SNTG1: variants seen among roughly 807,000 people sequenced by gnomAD.
SNTG1 encodes syntrophin gamma 1, also known as gamma-1-syntrophin.
In SNTG1, 39 loss-of-function variants were observed where a neutral mutation model predicts 74.7. The ratio of observed to expected loss-of-function variants is 0.52; its 90% CI spans 0.40 to 0.68. The LOEUF (loss-of-function observed/expected upper bound fraction) is 0.68. Among genes scored for constraint, SNTG1 ranks in the 30% least tolerant of loss-of-function variants. The pLI is 0.00. For missense variants in SNTG1, 685 were observed against 609.5 expected (o/e 1.12, Z -1.30); for synonymous variants, 254 against 217.1 (o/e 1.17, Z -1.49).
chr8:49,922,981 A>G (rs1239577242), intron 1 of SNTG1, among the ~76,000 whole-genome samples: 1 of 152,090 alleles, frequency 6.6e-6, no homozygotes, highest in Non-Finnish European at 1.5e-5. Flanking sequence ...AATTACTGCT[A>G]TTTCCTGCTG....
chr8:50,336,660 C>A (rs961857123), intron 2 of SNTG1, among the ~76,000 whole-genome samples: 1 of 152,114 alleles, frequency 6.6e-6, no homozygotes, highest in Non-Finnish European at 1.5e-5. Context: ...TATGGTAAAC[C>A]CACACTATGT....
chr8:50,579,949 A>G (rs2094599583), intron 12 of SNTG1, among the ~76,000 whole-genome samples: 1 of 152,216 alleles, frequency 6.6e-6, no homozygotes, highest in Admixed American at 6.5e-5. Flanking sequence ...TCCACACCCC[A>G]TAATGGTAGA....
At chr8:50,734,731 A>C (rs1449026924) in intron 17 of SNTG1, among the ~76,000 whole-genome samples, 7 of 87,716 alleles carry the variant, frequency 8.0e-5, no homozygotes, top group African/African-American at 1.4e-4. Flanking sequence ...TTATATATCT[A>C]TATATATGGA....
At chr8:49,931,274 G>A (rs1328960220) in intron 1 of SNTG1, among the ~76,000 whole-genome samples, 1 of 152,160 alleles carries the variant, frequency 6.6e-6, no homozygotes, top group African/African-American at 2.4e-5. Flanking sequence ...TTATTAAATT[G>A]GAATATCCAC....
chr8:50,389,415 A>G (rs1056793071), intron 2 of SNTG1, among the ~76,000 whole-genome samples: 1 of 152,172 alleles, frequency 6.6e-6, no homozygotes, highest in African/African-American at 2.4e-5. Context: ...TCTACTAAAA[A>G]TGAACAATCT....
chr8:50,068,994 CA>C (rs1324661117), intron 1 of SNTG1, among the ~76,000 whole-genome samples: 1 of 152,072 alleles, frequency 6.6e-6, no homozygotes, highest in Non-Finnish European at 1.5e-5. Context: ...TGAAAACAAG[CA>C]AAAAATCATA....
intron 9 of SNTG1, among the ~76,000 whole-genome samples, chr8:50,509,777 A>T (rs1211475028): frequency 6.6e-6 from 1 of 152,064 alleles, no homozygotes; most frequent in Non-Finnish European, 1.5e-5. Context: ...GTATCCTGAG[A>T]CTTTGCTGAA....
At chr8:50,675,484 C>T (rs905035292) in intron 15 of SNTG1, among the ~76,000 whole-genome samples, 1 of 151,646 alleles carries the variant, frequency 6.6e-6, no homozygotes, top group Non-Finnish European at 1.5e-5. Flanking sequence ...GATTGCAACC[C>T]CTACTTTTTT....
At chr8:50,464,559 G>T (rs1007972295) in intron 8 of SNTG1, among the ~76,000 whole-genome samples, 2 of 152,062 alleles carry the variant, frequency 1.3e-5, no homozygotes, top group Admixed American at 1.3e-4. Context: ...AATTAAGTTT[G>T]CTGCCTTATA....
intron 9 of SNTG1, among the ~76,000 whole-genome samples, chr8:50,505,571 A>T (rs766227727): frequency 6.6e-6 from 1 of 152,000 alleles, no homozygotes; most frequent in African/African-American, 2.4e-5. Flanking sequence ...ATGATAATTC[A>T]CTGTGGTTTT....
At chr8:50,222,262 T>G (rs2131997434) in intron 2 of SNTG1, among the ~76,000 whole-genome samples, 1 of 152,282 alleles carries the variant, frequency 6.6e-6, no homozygotes, top group East Asian at 1.9e-4. Flanking sequence ...CCTGGTGGTC[T>G]TTCATTAGAT....
chr8:50,211,314 T>C (rs2084511724), intron 2 of SNTG1, among the ~76,000 whole-genome samples: 1 of 152,148 alleles, frequency 6.6e-6, no homozygotes. Flanking sequence ...TTAGAAACAA[T>C]AGCTATTATC....
chr8:50,443,761 A>T (rs1224820327), intron 5 of SNTG1, among the ~76,000 whole-genome samples: 1 of 152,180 alleles, frequency 6.6e-6, no homozygotes, highest in African/African-American at 2.4e-5. Flanking sequence ...TAAAACCTGA[A>T]ATAAATTACC....
intron 1 of SNTG1, among the ~76,000 whole-genome samples, chr8:50,150,842 T>C (rs1035862501): frequency 6.6e-6 from 1 of 152,220 alleles, no homozygotes; most frequent in Non-Finnish European, 1.5e-5. Flanking sequence ...TTTGCATCGA[T>C]GTTCATCAGG....
intron 1 of SNTG1, among the ~76,000 whole-genome samples, chr8:50,112,444 A>C (rs972681817): frequency 6.6e-6 from 1 of 152,024 alleles, no homozygotes; most frequent in Non-Finnish European, 1.5e-5. Flanking sequence ...AACCTTAATT[A>C]AAAAACTAGT....
intron 5 of SNTG1, among the ~76,000 whole-genome samples, chr8:50,443,749 T>C (rs1412606433): frequency 6.6e-6 from 1 of 152,192 alleles, no homozygotes; most frequent in Non-Finnish European, 1.5e-5. Context: ...TGCTTAGAAC[T>C]ATAAAACCTG....
chr8:50,268,911 G>A (rs1262297765), intron 2 of SNTG1, among the ~76,000 whole-genome samples: 1 of 151,928 alleles, frequency 6.6e-6, no homozygotes, highest in East Asian at 1.9e-4. Flanking sequence ...TGTCTGCCTC[G>A]GCCTCCTAAA....
chr8:50,214,090 G>T (rs1396640069), intron 2 of SNTG1, among the ~76,000 whole-genome samples: 6 of 151,798 alleles, frequency 4.0e-5, no homozygotes, highest in Non-Finnish European at 8.8e-5. Context: ...AAAAAATGAT[G>T]AGTTCATGTC....
At chr8:50,445,047 C>A (rs1278479991) in intron 5 of SNTG1, among the ~76,000 whole-genome samples, 2 of 152,274 alleles carry the variant, frequency 1.3e-5, no homozygotes, top group East Asian at 3.9e-4. Context: ...ATTCATCACC[C>A]TTTTATCCCC....
Sources: gnomAD v4.1 joint callset for allele counts (sites outside exome capture counted in the v4.1 genomes callset) on GRCh38, gnomAD v4.1.1 for gene constraint, MANE v1.5 for transcripts, NCBI Gene and HGNC (gene_info 2026-07-23, HGNC 2026-07-21) for gene names.